The following CACNG3 variants were observed in gnomAD, a reference collection of about 807,000 sequenced individuals.
CACNG3 encodes the protein calcium voltage-gated channel auxiliary subunit gamma 3, also known as voltage-dependent calcium channel gamma-3 subunit.
A neutral mutation model predicts 28.5 loss-of-function variants in CACNG3; 3 were observed. The observed-to-expected ratio is 0.11, with a 90% CI of 0.05 to 0.27. CACNG3 has a LOEUF of 0.27. CACNG3 is among the 10% of genes least tolerant of loss of function. The pLI is 1.00. For synonymous variants in CACNG3, 174 were observed against 162.2 expected (o/e 1.07, Z -0.55); for missense variants, 236 against 414.4 (o/e 0.57, Z 3.74).
intron 1 of CACNG3, among the ~76,000 whole-genome samples, chr16:24,327,997 T>C (rs1194596147): frequency 6.6e-6 from 1 of 152,190 alleles, no homozygotes; most frequent in African/African-American, 2.4e-5. Context: ...ACTCATCCCA[T>C]ACATTCATTT....
intron 1 of CACNG3, among the ~76,000 whole-genome samples, chr16:24,309,093 C>T (rs1005158750): frequency 8.6e-5 from 13 of 152,038 alleles, no homozygotes; most frequent in African/African-American, 2.4e-4. Context: ...AAAGCAGTGG[C>T]GGCTGGCTCT....
intron 1 of CACNG3, among the ~76,000 whole-genome samples, chr16:24,292,043 C>T (rs879512492): frequency 7.2e-5 from 11 of 151,798 alleles, no homozygotes; most frequent in Non-Finnish European, 1.2e-4. Context: ...TGGTTATTGA[C>T]GAGGTAAGAA....
At chr16:24,336,492 G>A (rs1457128659) in intron 1 of CACNG3, among the ~76,000 whole-genome samples, 9 of 151,588 alleles carry the variant, frequency 5.9e-5, no homozygotes, top group Non-Finnish European at 1.2e-4. Context: ...AGCCAGGATG[G>A]TCTCGATATC....
rs532938194 is a variant in CACNG3 at position 24,307,114 on chromosome 16, A to G, written c.212-39620A>G. Among the ~76,000 whole-genome samples the G allele has an allele frequency of 2.0e-5, 3 of 152,118 alleles. No homozygotes were observed. In the South Asian group the frequency reaches 6.2e-4, roughly 32 times the overall value. ...TTGCCTTCTTTCTGGACATCTCCAA[A>G]TGCCATCTTTGCTGTTGTTGTTGTT... On this transcript the variant is annotated intron_variant, in intron 1 of 3. Coordinates refer to ENST00000005284, the MANE Select transcript of CACNG3 (RefSeq NM_006539.4).
chr16:24,285,025 A>G (rs1898874672), intron 1 of CACNG3, among the ~76,000 whole-genome samples: 1 of 152,098 alleles, frequency 6.6e-6, no homozygotes, highest in Non-Finnish European at 1.5e-5. Context: ...AAAAAAAAAA[A>G]AAAAGAAAGA....
chr16:24,347,276 C>T (rs1384349498), intron 2 of CACNG3, among the ~76,000 whole-genome samples: 1 of 151,986 alleles, frequency 6.6e-6, no homozygotes, highest in Non-Finnish European at 1.5e-5. Flanking sequence ...TATGATCATA[C>T]CACTGCAGTC....
chr16:24,306,038 A>G (rs1425169548), intron 1 of CACNG3, among the ~76,000 whole-genome samples: 1 of 152,098 alleles, frequency 6.6e-6, no homozygotes, highest in African/African-American at 2.4e-5. Context: ...CTTCAGATCC[A>G]AGGCAATTGA....
At chr16:24,281,923 A>G (rs1898834335) in intron 1 of CACNG3, among the ~76,000 whole-genome samples, 1 of 145,382 alleles carries the variant, frequency 6.9e-6, no homozygotes, top group African/African-American at 2.5e-5. Flanking sequence ...AGGTGTAGAG[A>G]GAGGTGACTG....
chr16:24,301,715 G>T (rs535164062), intron 1 of CACNG3, among the ~76,000 whole-genome samples: 1 of 152,322 alleles, frequency 6.6e-6, no homozygotes, highest in East Asian at 1.9e-4. Flanking sequence ...ATTCAGCAGA[G>T]TCAGGCCTCC....
Position 24,361,617 on chromosome 16 carries a change from G to A in CACNG3, c.702G>A (p.Arg234=). The A allele has an allele frequency of 6.2e-7, 1 of 1,613,296 alleles. No individual in the cohort carries two copies. The change falls in exon 4 of 4, where the codon CGG becomes CGA. Residue 234 remains arginine (R), a synonymous_variant. Transcript: ENST00000005284. This position sits in a 1 kb window ranked among gnomAD's most constrained non-coding sequence, Gnocchi z 6.8. Reference sequence around the variant, plus strand: ...CCTACAGGTATCGATTCCGGAGGCGGTCAAGTTCTCGCTCCACCGAGCCCA... The same window carrying A: ...CCTACAGGTATCGATTCCGGAGGCGATCAAGTTCTCGCTCCACCGAGCCCA... ...LPPYRYRFRR[R]SSSRSTEPRS... is the part of the protein sequence containing the mutation.
intron 1 of CACNG3, among the ~76,000 whole-genome samples, chr16:24,302,832 G>A (rs1382994301): frequency 5.9e-5 from 9 of 151,934 alleles, no homozygotes; most frequent in South Asian, 4.2e-4. Flanking sequence ...GTTAATTTTC[G>A]TATTTTCAGT....
chr16:24,308,604 C>A (rs1056904978), intron 1 of CACNG3, among the ~76,000 whole-genome samples: 3 of 151,792 alleles, frequency 2.0e-5, no homozygotes, highest in African/African-American at 7.3e-5. Context: ...CCTGTAATCC[C>A]AGCACTTTGG....
chr16:24,288,929 C>A (rs1415253006), intron 1 of CACNG3, among the ~76,000 whole-genome samples: 1 of 152,032 alleles, frequency 6.6e-6, no homozygotes, highest in Non-Finnish European at 1.5e-5. Context: ...TGATCTCTTG[C>A]CTGACCTGAA....
intron 1 of CACNG3, among the ~76,000 whole-genome samples, chr16:24,327,624 A>G (rs77769569): frequency 6.6e-4 from 98 of 149,334 alleles, no homozygotes; most frequent in African/African-American, 2.4e-3. Context: ...TGTCTCAAAA[A>G]AAACAAAAAC....
At chr16:24,269,746 C>CAAAAAAAAAAAAAAAAAAAAAAGAAAA (rs1163565728) in intron 1 of CACNG3, among the ~76,000 whole-genome samples, 1 of 71,082 alleles carries the variant, frequency 1.4e-5, no homozygotes, top group Non-Finnish European at 2.9e-5. Flanking sequence ...GACTCCATCT[C>CAAAAAAAAAAAAAAAAAAAAAAGAAAA]AAAAAAAAAA....
At chr16:24,265,318 G>T (rs1194657171) in intron 1 of CACNG3, among the ~76,000 whole-genome samples, 1 of 135,924 alleles carries the variant, frequency 7.4e-6, no homozygotes, top group African/African-American at 2.8e-5. Flanking sequence ...AGAGAAGGAA[G>T]GAAGGAAAAG....
Position 24,283,634 on chromosome 16 carries a change from T to C in CACNG3, c.211+26669T>C, listed in dbSNP as rs987259402. On this transcript the variant is annotated intron_variant, in intron 1 of 3. Coordinates refer to ENST00000005284, the MANE Select transcript of CACNG3 (RefSeq NM_006539.4). The stretch of plus-strand genomic sequence containing the variant: ...AATCATAACATCTGCAAATAATAGG[T>C]GGAATATTTTTGCCTCCACTTTTTT... 3.3e-5 allele frequency among the ~76,000 whole-genome samples: 5 copies of C among 152,318 alleles called. No homozygotes were observed. In the East Asian group the frequency reaches 9.6e-4, roughly 29 times the overall value.
chr16:24,314,412 C>A (rs762865450), intron 1 of CACNG3, among the ~76,000 whole-genome samples: 1 of 152,082 alleles, frequency 6.6e-6, no homozygotes, highest in Non-Finnish European at 1.5e-5. Flanking sequence ...CCAGCAGCCA[C>A]GGGTGATCGA....
At chr16:24,269,781 G>A (rs1344864615) in intron 1 of CACNG3, among the ~76,000 whole-genome samples, 19 of 131,970 alleles carry the variant, frequency 1.4e-4, no homozygotes, top group African/African-American at 2.6e-4. Context: ...AAAGAAGAAA[G>A]AAAGAAAAAG....
Sources: gnomAD v4.1 joint callset for allele counts (sites outside exome capture counted in the v4.1 genomes callset) on GRCh38, gnomAD v4.1.1 for gene constraint, Gnocchi (gnomAD v3.1) non-coding constraint, MANE v1.5 for transcripts, NCBI Gene and HGNC (gene_info 2026-07-23, HGNC 2026-07-21) for gene names.